The following OCM2 variants were observed in gnomAD, a reference collection of about 807,000 sequenced individuals.
OCM2 encodes oncomodulin-2.
OCM2 carries 6 observed loss-of-function variants against 13.6 expected under a neutral mutation model. The observed-to-expected ratio is 0.44, with a 90% CI of 0.24 to 0.87. OCM2 has a LOEUF of 0.87. Among genes scored for constraint, OCM2 ranks in the 40% least tolerant of loss-of-function variants. The pLI, the probability that OCM2 is intolerant of heterozygous loss-of-function variation, is 0.22. For missense variants in OCM2, 118 were observed against 136.8 expected, an observed-to-expected ratio of 0.86 and a Z score of 0.68; for synonymous variants, 40 against 50.7, an observed-to-expected ratio of 0.79 and a Z score of 0.90.
intron 1 of OCM2, among the ~76,000 whole-genome samples, chr7:97,989,463 G>A (rs974361200): frequency 1.4e-4 from 21 of 151,458 alleles, no homozygotes; most frequent in African/African-American, 3.6e-4. Flanking sequence ...GCAGTGTAGC[G>A]ATCATAGCTC....
In OCM2 at chr7:97,989,987, C is replaced by T. The variant is rs550669659; in HGVS notation, c.61+57G>A. On this transcript the variant is annotated intron_variant, in intron 1 of 3. Transcript: ENST00000257627. ...GGCCTACATTTTGATTTTGTGTTGC[C>T]TCGCTGGAGGGGCAAAGCTGTGAGG... The T allele has an allele frequency of 9.5e-6, 15 of 1,583,874 alleles. No homozygotes were observed. The African/African-American group carries it at 1.9e-4, about 20-fold the overall frequency.
chr7:97,988,202 A>G (rs1228690842), intron 2 of OCM2, among the ~76,000 whole-genome samples: 1 of 150,970 alleles, frequency 6.6e-6, no homozygotes, highest in East Asian at 2.0e-4. Flanking sequence ...AAAAAAAAAG[A>G]ATCTTTGCAC....
In OCM2 at chr7:97,987,291, G is replaced by A. The variant is rs531114304; in HGVS notation, c.195-135C>T. On this transcript the variant is annotated intron_variant, in intron 2 of 3. Transcript: ENST00000257627. ...TTAGCCAAGGTCTTAGCAAGCAAAG[G>A]TTTCCTTAAGCTGTAGAAACCAATG... 3.1e-4 allele frequency: 300 copies of A among 963,320 alleles called. 1 individual carries two copies. The African/African-American group carries it at 4.4e-3, about 14-fold the overall frequency. The allele number at this position is 963,320 out of a possible 1,614,324, so 59.7% of individuals were successfully genotyped here.
intron 1 of OCM2, among the ~76,000 whole-genome samples, chr7:97,989,401 A>ATTTATTTG: frequency 6.7e-6 from 1 of 149,664 alleles, no homozygotes; most frequent in Non-Finnish European, 1.5e-5. Context: ...TTATTTATTT[A>ATTTATTTG]TTTATTTATT....
chr7:97,987,318 T>G (rs1425596453), intron 2 of OCM2, among the ~76,000 whole-genome samples, 162 bp from the exon 3 acceptor site: 1 of 152,118 alleles, frequency 6.6e-6, no homozygotes, highest in Non-Finnish European at 1.5e-5. Context: ...AAACCAATGG[T>G]GGGCACTTCA....
At chr7:97,989,658 T>C (rs12113397) in intron 1 of OCM2, among the ~76,000 whole-genome samples, 18,005 of 151,042 alleles carry the variant, frequency 0.12, 1,336 homozygotes, top group African/African-American at 0.21. Flanking sequence ...TCCTCTCACC[T>C]TGGCCTCCGA....
At chr7:97,988,616 G>A in intron 1 of OCM2, 68 bp from the exon 2 acceptor site, 1 of 1,587,154 alleles carries the variant, frequency 6.3e-7, no homozygotes, top group Non-Finnish European at 8.6e-7. Context: ...CCAAGGTACT[G>A]AAAACACAGA....
In OCM2 at chr7:97,990,163, C is replaced by T. The variant is rs1794718386; in HGVS notation, c.-59G>A. On this transcript the variant is annotated 5_prime_UTR_variant, in exon 1 of 4. It adds an upstream start codon to the 5' untranslated region. Coordinates refer to ENST00000257627, the Ensembl canonical transcript of OCM2. The stretch of plus-strand genomic sequence containing the variant: ...GATAAGCCACAAACAGGAACGTGCA[C>T]ATCCAGGGGAAACACATCTTCCCAG... 1 of 1,494,324 alleles carries T rather than the reference C, an allele frequency of 6.7e-7. No homozygotes were observed. Among genetic ancestry groups the T allele is most frequent in the Non-Finnish European group, 9.3e-7 (1 of 1,073,076 alleles). 92.6% of individuals were successfully genotyped at this position (1,494,324 alleles called of 1,614,324 possible).
At chr7:97,985,122 C>T (rs1794657213) in intron 3 of OCM2, 139 bp from the exon 4 acceptor site, 2 of 653,138 alleles carry the variant, frequency 3.1e-6, no homozygotes, top group Non-Finnish European at 5.4e-6. Context: ...TTGGAGGGCA[C>T]AAAAGAAAGA....
At chr7:97,989,391 T>G (rs1439285191) in intron 1 of OCM2, among the ~76,000 whole-genome samples, 1 of 148,692 alleles carries the variant, frequency 6.7e-6, no homozygotes, top group Non-Finnish European at 1.5e-5. Flanking sequence ...ATTTACTTAT[T>G]TATTTATTTA....
chr7:97,986,322 G>GTT (rs35914899), intron 3 of OCM2, among the ~76,000 whole-genome samples: 97,877 of 150,126 alleles, frequency 0.65, 32,642 homozygotes, highest in African/African-American at 0.81. Flanking sequence ...TTTTGAACAG[G>GTT]TTTTTTTTTT....
intron 3 of OCM2, 78 bp from the exon 4 acceptor site, chr7:97,985,061 C>T (rs1188783972): frequency 1.3e-6 from 2 of 1,598,606 alleles, no homozygotes; most frequent in Non-Finnish European, 1.7e-6. Flanking sequence ...AGTGAGAATT[C>T]CAAAGAGGGA....
At chr7:97,986,928 G>C in intron 3 of OCM2, 119 bp downstream of exon 3, 2 of 1,489,404 alleles carry the variant, frequency 1.3e-6, no homozygotes, top group East Asian at 4.8e-5. Context: ...AGAAGACTGA[G>C]GCTCGGTAAG....
intron 3 of OCM2, among the ~76,000 whole-genome samples, chr7:97,985,862 A>G (rs924913681): frequency 1.3e-5 from 2 of 152,094 alleles, no homozygotes; most frequent in Admixed American, 6.6e-5. Context: ...GACTTGCTTT[A>G]TATTTATTGG....
At chr7:97,985,341 C>T (rs1354865319) in intron 3 of OCM2, among the ~76,000 whole-genome samples, 1 of 150,380 alleles carries the variant, frequency 6.6e-6, no homozygotes, top group South Asian at 2.1e-4. Context: ...ATCACTTGAA[C>T]CTGGGAGGCG....
intron 1 of OCM2, 25 bp downstream of exon 1, chr7:97,990,019 C>CCCCCCCCCCCCCCG: frequency 8.8e-7 from 1 of 1,130,650 alleles, no homozygotes; most frequent in Non-Finnish European, 1.3e-6. Flanking sequence ...GAGGAAATCC[C>CCCCCCCCCCCCCCG]ACCCCCGCCC....
At chr7:97,985,375 T>C (rs1483630401) in intron 3 of OCM2, among the ~76,000 whole-genome samples, 5 of 141,052 alleles carry the variant, frequency 3.5e-5, no homozygotes, top group Admixed American at 3.1e-4. Flanking sequence ...GCCGAAATCA[T>C]GCCACTGCAC....
chr7:97,989,462 C>T (rs1277164574), intron 1 of OCM2, among the ~76,000 whole-genome samples: 1 of 151,702 alleles, frequency 6.6e-6, no homozygotes, highest in Non-Finnish European at 1.5e-5. Flanking sequence ...TGCAGTGTAG[C>T]GATCATAGCT....
chr7:97,987,274 G>C, intron 2 of OCM2, 118 bp from the exon 3 acceptor site: 2 of 1,178,538 alleles, frequency 1.7e-6, no homozygotes, highest in Non-Finnish European at 2.4e-6. Context: ...AATTAGCCAA[G>C]GTCTTAGCAA....
Sources: allele counts gnomAD v4.1 joint callset (sites outside exome capture counted in the v4.1 genomes callset), GRCh38; gene constraint gnomAD v4.1.1; transcripts MANE v1.5; gene names NCBI Gene and HGNC (gene_info 2026-07-23, HGNC 2026-07-21).